GSE1: variants seen among roughly 807,000 people sequenced by gnomAD.
GSE1 encodes Gse1 coiled-coil protein, also known as genetic suppressor element 1.
A neutral mutation model predicts 112.6 loss-of-function variants in GSE1; 32 were observed. That is an observed-to-expected ratio of 0.28 (90% CI 0.21 to 0.38). GSE1 has a LOEUF of 0.38. GSE1 is among the 10% of genes least tolerant of loss of function. The pLI is 1.00. For synonymous variants in GSE1, 1,115 were observed against 735.6 expected (o/e 1.52, Z -8.35); for missense variants, 2,348 against 1,699.2 (o/e 1.38, Z -6.71).
intron 2 of GSE1, among the ~76,000 whole-genome samples, chr16:85,401,467 G>C (rs1308242811): frequency 6.6e-6 from 1 of 152,136 alleles, no homozygotes. Flanking sequence ...CCCCAAGAGG[G>C]GACACAGTTG....
Position 85,616,913 on chromosome 16 carries a change from G to C in GSE1, c.7+3515G>C, listed in dbSNP as rs1319155341. Among the ~76,000 whole-genome samples the C allele has an allele frequency of 3.9e-5, 6 of 152,280 alleles. 2 individuals are homozygous for C. Among genetic ancestry groups the C allele is most frequent in the African/African-American group, 1.4e-4 (6 of 41,556 alleles). On this transcript the variant is annotated intron_variant, in intron 1 of 15. Transcript: ENST00000253458. Reference sequence around the variant, plus strand: ...GGAGGTGTACAGACAGATAAAACAGGAGCGTGGCCAAAAGCAGCCCTTTGC... The same window carrying C: ...GGAGGTGTACAGACAGATAAAACAGCAGCGTGGCCAAAAGCAGCCCTTTGC...
rs561457674 is a variant in GSE1 at position 85,470,404 on chromosome 16, G to A, written c.2464+112761G>A. On this transcript the variant is annotated intron_variant, in intron 2 of 2. Coordinates refer to the GSE1 transcript ENST00000637419. ...GGCCTGGAGAAGTCAGGACTTGCCCGAGGCCCCGGACGCAGAGCTGGGATC... is the reference window on the plus strand; with the variant it reads ...GGCCTGGAGAAGTCAGGACTTGCCCAAGGCCCCGGACGCAGAGCTGGGATC... 1.4e-4 allele frequency among the ~76,000 whole-genome samples: 21 copies of A among 149,874 alleles called. 1 individual carries two copies. The South Asian group carries it at 2.9e-3, about 21-fold the overall frequency.
rs182077327 is a variant in GSE1, at chr16:85,474,505, G to A, written c.2464+116862G>A. On this transcript the variant is annotated intron_variant, in intron 2 of 2. Transcript: ENST00000637419. ...AGTCACATTTCATTTTCCTCTCTGC[G>A]GCACTTCCCACAATTAAACCCGGGT... Among the ~76,000 whole-genome samples, 9 of 152,178 alleles carry A rather than the reference G, an allele frequency of 5.9e-5. No individual in the cohort carries two copies. The South Asian group carries it at 1.7e-3, about 28-fold the overall frequency.
exon 1 of GSE1, chr16:85,171,750 A>C: frequency 1.0e-6 from 1 of 985,578 alleles, no homozygotes; most frequent in Non-Finnish European, 1.2e-6. Context: ...GTGCGGGCCA[A>C]GGGCTCACCC....
At chr16:85,304,732 T>C (rs911604864) in intron 1 of GSE1, among the ~76,000 whole-genome samples, 6 of 152,008 alleles carry the variant, frequency 3.9e-5, no homozygotes, top group Admixed American at 3.3e-4. Context: ...CTGCAGAAGA[T>C]GGCAGAGACA....
chr16:85,554,838 A>T, upstream of GSE1: 1 of 980,946 alleles, frequency 1.0e-6, no homozygotes, highest in East Asian at 1.1e-4. Flanking sequence ...GGAGTTGGGC[A>T]GCCGGAGGGG....
intron 1 of GSE1, among the ~76,000 whole-genome samples, chr16:85,296,513 A>T (rs2045371206): frequency 6.6e-6 from 1 of 152,180 alleles, no homozygotes; most frequent in Non-Finnish European, 1.5e-5. Context: ...ATGCTGAGGC[A>T]CTAGAATCGT....
At chr16:85,192,904 A>G (rs1022842028) in intron 1 of GSE1, among the ~76,000 whole-genome samples, 1 of 152,176 alleles carries the variant, frequency 6.6e-6, no homozygotes, top group African/African-American at 2.4e-5. Flanking sequence ...GCCCTCGCAA[A>G]CAAGAGTGAC....
At chr16:85,529,293 C>T (rs528756485) in intron 2 of GSE1, among the ~76,000 whole-genome samples, 5 of 152,302 alleles carry the variant, frequency 3.3e-5, no homozygotes, top group Non-Finnish European at 7.4e-5. Flanking sequence ...AAGCGAGCAG[C>T]GGCCCAGGAG....
At chr16:85,284,987 C>A (rs1289254264) in intron 1 of GSE1, 1 of 152,248 alleles carries the variant, frequency 6.6e-6, no homozygotes, top group African/African-American at 2.4e-5. Flanking sequence ...GCACTGTGGT[C>A]ATCGTTTCAG....
intron 2 of GSE1, among the ~76,000 whole-genome samples, chr16:85,365,613 G>A (rs1042181374): frequency 1.3e-5 from 2 of 152,204 alleles, no homozygotes; most frequent in African/African-American, 4.8e-5. Flanking sequence ...GGGCCGTAAG[G>A]GTGCGTCCAT....
At chr16:85,345,030 C>G (rs925695308) in intron 1 of GSE1, among the ~76,000 whole-genome samples, 2 of 152,224 alleles carry the variant, frequency 1.3e-5, no homozygotes, top group Non-Finnish European at 2.9e-5. Flanking sequence ...GTTTTGCCTA[C>G]AAGAAACTTC....
At chr16:85,474,518 A>G (rs542104774) in intron 2 of GSE1, among the ~76,000 whole-genome samples, 1 of 152,166 alleles carries the variant, frequency 6.6e-6, no homozygotes, top group East Asian at 1.9e-4. Flanking sequence ...ACTTCCCACA[A>G]TTAAACCCGG....
At chr16:85,227,695 G>T (rs1035430295) in intron 1 of GSE1, among the ~76,000 whole-genome samples, 83 of 152,200 alleles carry the variant, frequency 5.5e-4, no homozygotes, top group African/African-American at 2.0e-3. Context: ...AGAGGAAGTG[G>T]GAGGGGAGAT....
At chr16:85,435,870 G>C (rs568855360) in intron 2 of GSE1, among the ~76,000 whole-genome samples, 7 of 152,158 alleles carry the variant, frequency 4.6e-5, no homozygotes, top group African/African-American at 1.7e-4. Context: ...TGGGTCCCAT[G>C]TTCCCCAGGC....
chr16:85,608,000 C>G (rs201952125), upstream of GSE1, among the ~76,000 whole-genome samples: 64 of 152,310 alleles, frequency 4.2e-4, no homozygotes, highest in African/African-American at 9.9e-4. Flanking sequence ...ATTCCTCCCC[C>G]CCATGATTTC....
At chr16:85,668,771 GCC>G (rs1286990431) in intron 14 of GSE1, among the ~76,000 whole-genome samples, 3 of 152,214 alleles carry the variant, frequency 2.0e-5, no homozygotes, top group Admixed American at 1.3e-4. Context: ...GATTTGCTGA[GCC>G]CTGGCAGCTA....
At chr16:85,299,747 G>A (rs2151458253) in intron 1 of GSE1, among the ~76,000 whole-genome samples, 1 of 152,206 alleles carries the variant, frequency 6.6e-6, no homozygotes, top group East Asian at 1.9e-4. Context: ...GGGCAACATA[G>A]TGGGACTCTG....
At chr16:85,608,605 A>G (rs557495008), upstream of GSE1, among the ~76,000 whole-genome samples, 2 of 152,146 alleles carry the variant, frequency 1.3e-5, no homozygotes, top group Non-Finnish European at 2.9e-5. Context: ...TGCCAGGTGT[A>G]AGAGCCACGT....
Sources: gnomAD v4.1 joint callset for allele counts (sites outside exome capture counted in the v4.1 genomes callset) on GRCh38, gnomAD v4.1.1 for gene constraint, MANE v1.5 for transcripts, NCBI Gene and HGNC (gene_info 2026-07-23, HGNC 2026-07-21) for gene names.